The following LRRC56 variants were observed in gnomAD, a reference collection of about 807,000 sequenced individuals.
The protein encoded by LRRC56 is leucine rich repeat containing 56, also known as leucine-rich repeat-containing protein 56.
A neutral mutation model predicts 47.8 loss-of-function variants in LRRC56; 41 were observed. That is an observed-to-expected ratio of 0.86 (90% CI 0.67 to 1.11). The LOEUF is 1.11. Among genes scored for constraint, LRRC56 ranks in the 50% most tolerant of loss-of-function variants. The pLI is 0.00. For missense variants in LRRC56, 759 were observed against 704.2 expected (o/e 1.08, Z -0.88); for synonymous variants, 387 against 311.2 (o/e 1.24, Z -2.56).
chr11:533,109 G>A (rs1447854436), upstream of LRRC56, among the ~76,000 whole-genome samples: 1 of 152,226 alleles, frequency 6.6e-6, no homozygotes, highest in Non-Finnish European at 1.5e-5. Context: ...GGGACACTCT[G>A]GGGACAAGAG....
chr11:546,628 C>G (rs1852097854), intron 6 of LRRC56, among the ~76,000 whole-genome samples: 1 of 151,804 alleles, frequency 6.6e-6, no homozygotes, highest in South Asian at 2.1e-4. Context: ...ACTTTGGGGT[C>G]AAAGACACAG....
At chr11:509,578 C>T in the LRRC56 span, among the ~76,000 whole-genome samples, 2 of 152,114 alleles carry the variant, frequency 1.3e-5, no homozygotes, top group African/African-American at 2.4e-5. Context: ...GATGGAGTCT[C>T]GCTCTGTCGC....
chr11:525,792 C>T, the LRRC56 span, among the ~76,000 whole-genome samples: 4 of 152,034 alleles, frequency 2.6e-5, no homozygotes, highest in South Asian at 2.1e-4. Context: ...CCTAGCTACT[C>T]GGGAGACTGA....
At chr11:519,304 C>T in the LRRC56 span, among the ~76,000 whole-genome samples, 1 of 132,660 alleles carries the variant, frequency 7.5e-6, no homozygotes, top group African/African-American at 2.8e-5. Context: ...TTTATTAGAA[C>T]GCGGGCTGAT....
At chr11:518,848 G>A in the LRRC56 span, among the ~76,000 whole-genome samples, 1 of 152,034 alleles carries the variant, frequency 6.6e-6, no homozygotes, top group Non-Finnish European at 1.5e-5. Context: ...CCCCGAACGC[G>A]CGAGCGAGGC....
chr11:533,332 G>A (rs937260525), upstream of LRRC56: 8 of 1,605,018 alleles, frequency 5.0e-6, no homozygotes, highest in Non-Finnish European at 5.9e-6. Context: ...GGGTCCCGGA[G>A]CTGGAGCTAG....
chr11:532,453 GTCCT>G, the LRRC56 span: 2 of 843,924 alleles, frequency 2.4e-6, no homozygotes, highest in Non-Finnish European at 3.7e-6. Context: ...CCTTGCTTCC[GTCCT>G]TCCTTCCTCC....
chr11:541,101 G>A lies in LRRC56; in HGVS notation c.177+240G>A, dbSNP rs1003836839. Among the ~76,000 whole-genome samples the A allele has an allele frequency of 6.6e-6, 1 of 152,172 alleles. No homozygotes were observed. The highest frequency in any genetic ancestry group is 1.5e-5 in the Non-Finnish European group (1 of 68,024). ...TGCTCAGTGACACAGACGTCCCCAGGCATTTGGGTCACAGACAGGACTGAG... is the reference window on the plus strand; with the variant it reads ...TGCTCAGTGACACAGACGTCCCCAGACATTTGGGTCACAGACAGGACTGAG... On this transcript the variant is annotated intron_variant, in intron 4 of 13. Transcript: ENST00000270115. The surrounding 1 kb of genome is among the most constrained non-coding windows in gnomAD (Gnocchi z 4.1).
chr11:525,839 G>A, the LRRC56 span, among the ~76,000 whole-genome samples: 3 of 152,006 alleles, frequency 2.0e-5, no homozygotes, highest in Non-Finnish European at 4.4e-5. Flanking sequence ...GGTTGAGGCT[G>A]CAGTGAGCTA....
rs368150099 is a variant in LRRC56 at position 554,080 on chromosome 11, G to A, written c.1433G>A (p.Arg478Gln). 17 of 1,608,660 alleles carry A rather than the reference G, an allele frequency of 1.1e-5. No individual in the cohort carries two copies. Among genetic ancestry groups the A allele is most frequent in the African/African-American group, 1.3e-5 (1 of 74,848 alleles). The part of the protein sequence containing the change: ...WSTDLQSRGR[R>Q]LRVLGSWGPG... ...ACAGACCTGCAGTCCAGGGGGCGTC[G>A]GCTCCGAGTCCTGGGCAGCTGGGGG... The change falls in exon 14 of 14, where the codon CGG becomes CAG. Residue 478 changes from arginine to glutamine, a missense_variant. Transcript: ENST00000270115.
chr11:533,400 G>A (rs1251507103), upstream of LRRC56: 1 of 1,602,044 alleles, frequency 6.2e-7, no homozygotes, highest in African/African-American at 1.3e-5. Flanking sequence ...CTCCCTGGCT[G>A]GGGCGGGGCG....
At chr11:527,769 C>T in the LRRC56 span, among the ~76,000 whole-genome samples, 1 of 148,502 alleles carries the variant, frequency 6.7e-6, no homozygotes. Context: ...TCCGCGATCT[C>T]GGCTCACCGC....
At chr11:539,363 G>A (rs1851673025) in intron 2 of LRRC56, among the ~76,000 whole-genome samples, 1 of 146,552 alleles carries the variant, frequency 6.8e-6, no homozygotes, top group Non-Finnish European at 1.5e-5. Context: ...GGGATTACAG[G>A]TGTGAGCCAC....
At chr11:533,721 C>T (rs1851266306), upstream of LRRC56, 4 of 1,611,502 alleles carry the variant, frequency 2.5e-6, no homozygotes, top group South Asian at 1.1e-5. Context: ...CGGCCTGGCC[C>T]CACCTGTGCG....
At chr11:535,092 G>A (rs1395805850), upstream of LRRC56, among the ~76,000 whole-genome samples, 12 of 151,920 alleles carry the variant, frequency 7.9e-5, no homozygotes, top group Non-Finnish European at 1.2e-4. Context: ...GGCCGCGGCC[G>A]CCTCCTCCCA....
chr11:535,620 T>C (rs1851452810), upstream of LRRC56: 2 of 151,480 alleles, frequency 1.3e-5, no homozygotes, highest in East Asian at 3.9e-4. Flanking sequence ...AGGCGCGGCC[T>C]ACCATTGGCT....
rs761288983 is a variant in LRRC56 at position 541,648 on chromosome 11, TGGCCAC to T, written c.265+38_265+43del. 9.2e-5 allele frequency: 136 copies of T among 1,474,170 alleles called. No homozygotes were observed. The highest frequency in any genetic ancestry group is 6.6e-5 in the Non-Finnish European group (71 of 1,082,814). The allele number at this position is 1,474,170 out of a possible 1,614,324, so 91.3% of individuals were successfully genotyped here. A position where few individuals can be genotyped will look rare whatever the true frequency, so the allele number is the denominator to read the frequency against. On this transcript the variant is annotated intron_variant, in intron 5 of 13. Transcript: ENST00000270115. The surrounding 1 kb of genome is among the most constrained non-coding windows in gnomAD (Gnocchi z 4.1). ...TGGTGAGCCTCTTCCCACCCCGCCA[TGGCCAC>T]GGCCACGGCCACGCCTCCCTGTAAA... is the stretch of plus-strand genomic sequence containing the variant.
chr11:534,699 G>A (rs1185554980), upstream of LRRC56: 1 of 327,440 alleles, frequency 3.1e-6, no homozygotes, highest in Admixed American at 4.5e-5. Context: ...AGGCGCCCGA[G>A]GGCTGAGGTT....
Position 541,489 on chromosome 11 carries a change from A to G in LRRC56, c.178-48A>G, listed in dbSNP as rs763710181. ...GTAGCCAGAAGCAAGGATGGAACTA[A>G]AGTGGGGAGAGCCAGGACCAGCGCT... is the stretch of plus-strand genomic sequence containing the variant. On this transcript the variant is annotated intron_variant, in intron 4 of 13. Coordinates refer to ENST00000270115, the MANE Select transcript of LRRC56 (RefSeq NM_198075.4). This position sits in a 1 kb window ranked among gnomAD's most constrained non-coding sequence, Gnocchi z 4.1. 7 of 1,140,538 alleles carry G rather than the reference A, an allele frequency of 6.1e-6. No homozygotes were observed. Among genetic ancestry groups the G allele is most frequent in the Admixed American group, 2.5e-5 (1 of 39,466 alleles). The allele number at this position is 1,140,538 out of a possible 1,614,324, so 70.7% of individuals were successfully genotyped here.
Sources: allele counts gnomAD v4.1 joint callset (sites outside exome capture counted in the v4.1 genomes callset), GRCh38; gene constraint gnomAD v4.1.1; non-coding constraint Gnocchi (gnomAD v3.1); transcripts MANE v1.5; gene names NCBI Gene and HGNC (gene_info 2026-07-23, HGNC 2026-07-21).